Variants in FYCO1 observed in about 807,000 individuals in gnomAD.
The protein encoded by FYCO1 is FYVE and coiled-coil domain-containing protein 1.
A neutral mutation model predicts 165.1 loss-of-function variants in FYCO1; 122 were observed. The ratio of observed to expected loss-of-function variants is 0.74; its 90% CI spans 0.64 to 0.86. The LOEUF (loss-of-function observed/expected upper bound fraction) is 0.86. Among genes scored for constraint, FYCO1 ranks in the 40% least tolerant of loss-of-function variants. The pLI is 0.00. For synonymous variants in FYCO1, 648 were observed against 742.5 expected (o/e 0.87, Z 2.07); for missense variants, 1,702 against 1,810.3 (o/e 0.94, Z 1.09).
intron 14 of FYCO1, among the ~76,000 whole-genome samples, chr3:45,954,410 G>C (rs942560169): frequency 2.0e-5 from 3 of 152,126 alleles, no homozygotes; most frequent in African/African-American, 7.2e-5. Flanking sequence ...GTGGTCCCTA[G>C]GGCATGCTTC....
In FYCO1 at chr3:45,966,594, C is replaced by T. The variant is rs771603575; in HGVS notation, c.2740G>A (p.Ala914Thr). ...ACTCGCTCCTTTTCCACGGTCAGTGCGCAAACCTGGATGCCCAGCTCAGCT... is the reference window on the plus strand; with the variant it reads ...ACTCGCTCCTTTTCCACGGTCAGTGTGCAAACCTGGATGCCCAGCTCAGCT... Reference protein sequence around the residue: ...DTAELGIQVCALTVEKERVEE... With the variant: ...DTAELGIQVCTLTVEKERVEE... The change falls in exon 8 of 18, where the codon GCA becomes ACA. Residue 914 changes from alanine to threonine, a missense_variant. By Grantham distance (58) the Ala-to-Thr change is moderately conservative (BLOSUM62 0). Coordinates refer to ENST00000296137, the MANE Select transcript of FYCO1 (RefSeq NM_024513.4). The T allele has an allele frequency of 6.2e-6, 10 of 1,614,088 alleles. No homozygotes were observed. The highest frequency in any genetic ancestry group is 3.4e-6 in the Non-Finnish European group (4 of 1,180,054).
In FYCO1 at chr3:45,967,972, T is replaced by G; in HGVS notation, c.1362A>C (p.Pro454=). Residue 454 remains proline, a synonymous_variant, in exon 8 of 18, where the codon CCA becomes CCC. Coordinates refer to ENST00000296137, the MANE Select transcript of FYCO1 (RefSeq NM_024513.4). ...SLERLVKEMA[P]LQEELSGKGQ... is the part of the protein sequence containing the mutation. ...CCTTCCCAGACAACTCCTCCTGGAGTGGGGCCATCTCCTTCACCAGGCGCT... is the reference window on the plus strand; with the variant it reads ...CCTTCCCAGACAACTCCTCCTGGAGGGGGGCCATCTCCTTCACCAGGCGCT... 6.2e-7 allele frequency: 1 copy of G among 1,614,024 alleles called. No homozygotes were observed. Among genetic ancestry groups the G allele is most frequent in the African/African-American group, 1.3e-5 (1 of 74,986 alleles).
intron 3 of FYCO1, among the ~76,000 whole-genome samples, chr3:45,980,348 T>G (rs984182044): frequency 7.9e-5 from 7 of 88,480 alleles, no homozygotes; most frequent in Non-Finnish European, 1.8e-4. Context: ...AAACTCTGTC[T>G]CAAAGAAAAA....
chr3:45,984,868 G>C lies in FYCO1; in HGVS notation c.43C>G (p.Arg15Gly). 1 of 1,614,180 alleles carries C rather than the reference G, an allele frequency of 6.2e-7. No individual in the cohort carries two copies. The highest frequency in any genetic ancestry group is 1.7e-5 in the Admixed American group (1 of 60,024). ...NAESQLQRIIRDLQDAVTELS... is the reference protein window; with the variant it reads ...NAESQLQRIIGDLQDAVTELS... ...CAACCTACCATACCTTGCAAGTCTC[G>C]GATGATTCTCTGGAGCTGGCTCTCT... The change falls in exon 2 of 18, where the codon CGA becomes GGA. Residue 15 changes from arginine (R) to glycine (G), a missense_variant. Coordinates refer to ENST00000296137, the MANE Select transcript of FYCO1 (RefSeq NM_024513.4).
In FYCO1 at chr3:45,967,200, G is replaced by A. The variant is rs1373022047; in HGVS notation, c.2134C>T (p.Leu712=). 9 of 1,613,848 alleles carry A rather than the reference G, an allele frequency of 5.6e-6. No homozygotes were observed. The African/African-American group carries it at 1.1e-4, about 19-fold the overall frequency. ...LQSKEGECQQ[L]REEVEQCQQL... ...TGGCACTGCTCCACCTCCTCCCGCA[G>A]CTGCTGACACTCGCCCTCCTTGCTC... Residue 712 remains leucine (L), a synonymous_variant, in exon 8 of 18, where the codon CTG becomes TTG. Transcript: ENST00000296137.
chr3:45,917,960 C>T lies in FYCO1; in HGVS notation c.*3805G>A, dbSNP rs1330452535. On this transcript the variant is annotated 3_prime_UTR_variant, in exon 18 of 18. Transcript: ENST00000296137. The surrounding 1 kb of genome is among the most constrained non-coding windows in gnomAD (Gnocchi z 4.2). ...TGAGGTTAAAAATAAAGTATTTCCA[C>T]ATGGCATGGCAGACACTATAAAATA... is the stretch of plus-strand genomic sequence containing the variant. 1 of 152,606 alleles carries T rather than the reference C, an allele frequency of 6.6e-6. No individual in the cohort carries two copies. Among genetic ancestry groups the T allele is most frequent in the East Asian group, 1.9e-4 (1 of 5,198 alleles). The allele number at this position is 152,606 out of a possible 1,614,324, so 9.5% of individuals were successfully genotyped here. A position where few individuals can be genotyped will look rare whatever the true frequency, so the allele number is the denominator to read the frequency against.
chr3:45,947,846 C>T (rs1020268652), intron 14 of FYCO1: 4 of 280,916 alleles, frequency 1.4e-5, no homozygotes, highest in African/African-American at 2.2e-5. Context: ...GAGGTGAGCA[C>T]GGCCAACAAA....
At position 45,955,310 on chromosome 3, in the gene FYCO1, C is replaced by G; in HGVS notation, c.3883G>C (p.Gly1295Arg). The G allele has an allele frequency of 6.2e-7, 1 of 1,614,114 alleles. No homozygotes were observed. Among genetic ancestry groups the G allele is most frequent in the East Asian group, 2.2e-5 (1 of 44,886 alleles). Residue 1295 changes from glycine (G) to arginine (R), a missense_variant, in exon 14 of 18, where the codon GGC becomes CGC. Coordinates refer to ENST00000296137, the MANE Select transcript of FYCO1 (RefSeq NM_024513.4). ...DEELCQIQES[G>R]SSLPETPTET... ...GTGGGTGTTTCAGGCAAAGAGGAGC[C>G]GGACTCCTGTATCTGGCACAATTCC...
chr3:45,987,140 A>G (rs1707353682), intron 1 of FYCO1, among the ~76,000 whole-genome samples: 1 of 152,210 alleles, frequency 6.6e-6, no homozygotes, highest in African/African-American at 2.4e-5. Context: ...TCAAACCACC[A>G]CAACTGTGCA....
At chr3:45,930,957 A>G (rs1703574038) in intron 16 of FYCO1, 114 bp downstream of exon 16, 2 of 975,002 alleles carry the variant, frequency 2.1e-6, no homozygotes, top group Non-Finnish European at 3.2e-6. Flanking sequence ...AGAACATTCC[A>G]AGTGAGGCCT....
At chr3:45,971,361 TA>T (rs1191434571) in intron 6 of FYCO1, among the ~76,000 whole-genome samples, 1 of 152,210 alleles carries the variant, frequency 6.6e-6, no homozygotes, top group Non-Finnish European at 1.5e-5. Context: ...CAAATGGTAT[TA>T]AAACTAATAC....
chr3:45,985,043 C>T (rs370275825), intron 1 of FYCO1, 21 bp from the exon 2 acceptor site: 4 of 835,782 alleles, frequency 4.8e-6, no homozygotes, highest in Non-Finnish European at 8.4e-6. Flanking sequence ...GAAGGGGAGG[C>T]CATGGAGGAA....
chr3:45,958,128 AT>A (rs894201217), intron 13 of FYCO1, among the ~76,000 whole-genome samples: 3 of 152,206 alleles, frequency 2.0e-5, no homozygotes, highest in African/African-American at 7.2e-5. Flanking sequence ...TCTCCAAAGC[AT>A]GGGGTGTATT....
intron 1 of FYCO1, among the ~76,000 whole-genome samples, chr3:45,985,622 A>G (rs1219623882): frequency 6.6e-6 from 1 of 152,182 alleles, no homozygotes; most frequent in Admixed American, 6.5e-5. Flanking sequence ...CCAGAGTCCA[A>G]CTCAGCCTGG....
At chr3:45,950,916 T>C (rs1704975746) in intron 14 of FYCO1, among the ~76,000 whole-genome samples, 1 of 152,182 alleles carries the variant, frequency 6.6e-6, no homozygotes, top group Non-Finnish European at 1.5e-5. Context: ...CCTGTTCTCA[T>C]TTTGTTTCTG....
chr3:45,932,722 C>T (rs563821602), intron 15 of FYCO1, among the ~76,000 whole-genome samples: 1 of 152,308 alleles, frequency 6.6e-6, no homozygotes, highest in South Asian at 2.1e-4. Flanking sequence ...GATTAAAAAA[C>T]CAGGATGCTT....
At chr3:45,955,047 ATC>A (rs1424594631) in intron 14 of FYCO1, among the ~76,000 whole-genome samples, 200 bp downstream of exon 14, 1 of 152,202 alleles carries the variant, frequency 6.6e-6, no homozygotes, top group Non-Finnish European at 1.5e-5. Flanking sequence ...GGCCACTGAC[ATC>A]TCTCAGGAAC....
At chr3:45,928,136 G>A (rs1185483360) in intron 16 of FYCO1, among the ~76,000 whole-genome samples, 1 of 152,190 alleles carries the variant, frequency 6.6e-6, no homozygotes, top group Non-Finnish European at 1.5e-5. Context: ...CTTTTTTGGA[G>A]TGATGGAAAG....
In FYCO1 at chr3:45,967,912, C is replaced by T. The variant is rs1341283325; in HGVS notation, c.1422G>A (p.Gln474=). ...QEADQLWRRL[Q]ELLAHTSSWE... Reference sequence around the variant, plus strand: ...AGGAGCTCGTGTGGGCCAGCAACTCCTGCAGCCGTCGCCAGAGCTGGTCTG... The same window carrying T: ...AGGAGCTCGTGTGGGCCAGCAACTCTTGCAGCCGTCGCCAGAGCTGGTCTG... The change falls in exon 8 of 18, where the codon CAG becomes CAA. Residue 474 remains glutamine (Q), a synonymous_variant. Transcript: ENST00000296137. The T allele has an allele frequency of 4.3e-6, 7 of 1,614,178 alleles. No individual in the cohort carries two copies. The highest frequency in any genetic ancestry group is 5.9e-6 in the Non-Finnish European group (7 of 1,180,040).
Sources: gnomAD v4.1 joint callset for allele counts (sites outside exome capture counted in the v4.1 genomes callset) on GRCh38, gnomAD v4.1.1 for gene constraint, Gnocchi (gnomAD v3.1) non-coding constraint, MANE v1.5 for transcripts, NCBI Gene and HGNC (gene_info 2026-07-23, HGNC 2026-07-21) for gene names.